The following CLCN1 variants were observed in gnomAD, a reference collection of about 807,000 sequenced individuals.
The protein encoded by CLCN1 is chloride voltage-gated channel 1.
CLCN1 carries 100 observed loss-of-function variants against 114.5 expected under a neutral mutation model. The ratio of observed to expected loss-of-function variants is 0.87; its 90% confidence interval spans 0.74 to 1.03. The LOEUF (loss-of-function observed/expected upper bound fraction) is 1.03, where lower values mean the gene tolerates loss of function less well. Ranked by LOEUF, CLCN1 falls within the 50% of genes least tolerant of loss-of-function variation. CLCN1 has a pLI of 0.00. For missense variants in CLCN1, 1,188 were observed against 1,250.0 expected, an observed-to-expected ratio of 0.95 and a Z score of 0.75; for synonymous variants, 485 against 487.1, an observed-to-expected ratio of 1.00 and a Z score of 0.06.
intron 10 of CLCN1, among the ~76,000 whole-genome samples, chr7:143,331,892 G>T (rs1395104439): frequency 2.0e-5 from 3 of 152,138 alleles, no homozygotes; most frequent in Non-Finnish European, 2.9e-5. Flanking sequence ...GCAGTGGTGC[G>T]ATCTCAGCTC....
intron 5 of CLCN1, among the ~76,000 whole-genome samples, 173 bp from the exon 6 acceptor site, chr7:143,323,136 T>C (rs568878212): frequency 6.6e-6 from 1 of 152,178 alleles, no homozygotes; most frequent in South Asian, 2.1e-4. Flanking sequence ...CACACTGGTT[T>C]CTCCTCTTCT....
intron 1 of CLCN1, among the ~76,000 whole-genome samples, chr7:143,318,933 C>T (rs1586482091): frequency 6.6e-6 from 1 of 152,306 alleles, no homozygotes; most frequent in East Asian, 1.9e-4. Flanking sequence ...TCTACTCAGG[C>T]TCTCCCAGAA....
Position 143,339,031 on chromosome 7 carries a change from AG to A in CLCN1, c.1402-221del, listed in dbSNP as rs755919221. Among the ~76,000 whole-genome samples, 83 of 152,312 alleles carry A rather than the reference AG, an allele frequency of 5.4e-4. 1 individual carries two copies. The East Asian group carries it at 0.011, about 20-fold the overall frequency. On this transcript the variant is annotated intron_variant, in intron 12 of 22. Transcript: ENST00000343257. This position sits in a 1 kb window ranked among gnomAD's most constrained non-coding sequence, Gnocchi z 4.1. ...ACTCAAAGTAGAAGGGATTTGGTCT[AG>A]CCATCTAGAGGAACCTTCTGATAGT...
intron 10 of CLCN1, among the ~76,000 whole-genome samples, chr7:143,331,865 A>G (rs1250196547): frequency 1.3e-5 from 2 of 152,100 alleles, no homozygotes; most frequent in African/African-American, 2.4e-5. Context: ...GTCTCACTCC[A>G]TCACCCAGGC....
At chr7:143,323,678 C>T (rs757703101) in intron 6 of CLCN1, 229 of 588,628 alleles carry the variant, frequency 3.9e-4, no homozygotes, top group South Asian at 7.6e-4. Context: ...CATACCACCC[C>T]CTCTGTGTTA....
At chr7:143,335,384 G>A (rs1010758778) in intron 12 of CLCN1, among the ~76,000 whole-genome samples, 2 of 152,294 alleles carry the variant, frequency 1.3e-5, no homozygotes, top group African/African-American at 2.4e-5. Flanking sequence ...ACAGTTTGCA[G>A]CAGGCCTATA....
chr7:143,349,375 T>A (rs1210199597), intron 20 of CLCN1, among the ~76,000 whole-genome samples: 1 of 152,248 alleles, frequency 6.6e-6, no homozygotes, highest in African/African-American at 2.4e-5. Flanking sequence ...CACCAGATCC[T>A]AAACCTATAT....
intron 12 of CLCN1, among the ~76,000 whole-genome samples, chr7:143,336,604 C>CAAAAA (rs573516521): frequency 2.5e-5 from 2 of 80,400 alleles, no homozygotes; most frequent in African/African-American, 9.3e-5. Flanking sequence ...AAGACTCTGT[C>CAAAAA]AAAAAAAAAA....
At position 143,351,817 on chromosome 7, in the gene CLCN1, T is replaced by A; in HGVS notation, c.2819T>A (p.Leu940His). The A allele has an allele frequency of 6.2e-7, 1 of 1,613,946 alleles. No individual in the cohort carries two copies. The change falls in exon 23 of 23, where the codon CTC becomes CAC. Residue 940 changes from leucine (L) to histidine (H), a missense_variant. Leu to His is a moderately conservative substitution (Grantham distance 99, BLOSUM62 -3). Transcript: ENST00000343257. ...CCATCTCCTTCCCCAGAGCCCCCTC[T>A]CTCCCTGGCCCCAGGCAAGGTAGAG... is the stretch of plus-strand genomic sequence containing the variant. ...PVPSPSPEPP[L>H]SLAPGKVEGE...
chr7:143,342,336 G>A (rs111762677), intron 15 of CLCN1, 36 bp from the exon 16 acceptor site: 67 of 1,613,252 alleles, frequency 4.2e-5, no homozygotes, highest in African/African-American at 3.6e-4. Flanking sequence ...ATAGGTATAC[G>A]GTGGGGCTAA....
Position 143,331,558 on chromosome 7 carries a change from T to C in CLCN1, c.1072T>C (p.Cys358Arg), listed in dbSNP as rs755360930. Residue 358 changes from cysteine (C) to arginine (R), a missense_variant, in exon 10 of 23, where the codon TGT (cysteine) becomes CGT (arginine). Physicochemically the swap from Cys to Arg is radical, Grantham distance 180 (BLOSUM62 -3). Coordinates refer to ENST00000343257, the MANE Select transcript of CLCN1 (RefSeq NM_000083.3). Reference protein sequence around the residue: ...LPAFAAIGICCGLLGAVFVYL... With the variant: ...LPAFAAIGICRGLLGAVFVYL... ...TATAAATTACACCCTCAGGATTTGC[T>C]GTGGGCTCCTGGGAGCTGTATTTGT... 6.2e-7 allele frequency: 1 copy of C among 1,612,630 alleles called. No individual in the cohort carries two copies. Among genetic ancestry groups the C allele is most frequent in the Admixed American group, 1.7e-5 (1 of 60,034 alleles).
chr7:143,346,822 C>G (rs1803262310), intron 19 of CLCN1, 89 bp from the exon 20 acceptor site: 2 of 1,351,644 alleles, frequency 1.5e-6, no homozygotes, highest in East Asian at 4.6e-5. Flanking sequence ...TGGTCCTGGC[C>G]AGGGAGGGAT....
At chr7:143,320,603 A>G in intron 2 of CLCN1, 61 bp from the exon 3 acceptor site, 2 of 1,368,480 alleles carry the variant, frequency 1.5e-6, no homozygotes, top group Non-Finnish European at 2.1e-6. Context: ...ACATATATAT[A>G]TTTTTGTTTG....
In CLCN1 at chr7:143,318,318, G is replaced by A. The variant is rs913381202; in HGVS notation, c.181-1437G>A. ...GCTCACCGCAATCTCCGCCTCCCTG[G>A]TTCAAGCAATTCTCCTGCCTCCGCC... On this transcript the variant is annotated intron_variant, in intron 1 of 22. Coordinates refer to ENST00000343257, the MANE Select transcript of CLCN1 (RefSeq NM_000083.3). Among the ~76,000 whole-genome samples the A allele has an allele frequency of 1.3e-4, 20 of 152,238 alleles. No homozygotes were observed. In the East Asian group the frequency reaches 3.9e-3, roughly 29 times the overall value.
chr7:143,336,510 T>A (rs929661629), intron 12 of CLCN1, among the ~76,000 whole-genome samples: 1 of 148,868 alleles, frequency 6.7e-6, no homozygotes, highest in Non-Finnish European at 1.5e-5. Context: ...CTCGGGAGGC[T>A]GAGGCAGGAG....
chr7:143,323,475 C>A, intron 6 of CLCN1, 89 bp downstream of exon 6: 1 of 907,564 alleles, frequency 1.1e-6, no homozygotes, highest in Non-Finnish European at 1.9e-6. Flanking sequence ...TGCCTCTGCT[C>A]TGGGCTGGCT....
chr7:143,320,970 C>T (rs576201372), intron 3 of CLCN1, among the ~76,000 whole-genome samples, 175 bp downstream of exon 3: 2 of 152,264 alleles, frequency 1.3e-5, no homozygotes, highest in East Asian at 1.9e-4. Context: ...AGGCCTGCTC[C>T]ACTTCTCACG....
chr7:143,343,640 A>G (rs2116377869), intron 16 of CLCN1, among the ~76,000 whole-genome samples: 1 of 152,348 alleles, frequency 6.6e-6, no homozygotes, highest in South Asian at 2.1e-4. Flanking sequence ...TGATGCTTAC[A>G]TAAGTCATGC....
chr7:143,342,772 C>A (rs548115920), intron 16 of CLCN1, among the ~76,000 whole-genome samples: 1 of 152,152 alleles, frequency 6.6e-6, no homozygotes, highest in African/African-American at 2.4e-5. Flanking sequence ...AGTTCGAGAC[C>A]AGCCTGACCA....
Sources: gnomAD v4.1 joint callset for allele counts (sites outside exome capture counted in the v4.1 genomes callset) on GRCh38, gnomAD v4.1.1 for gene constraint, Gnocchi (gnomAD v3.1) non-coding constraint, MANE v1.5 for transcripts, NCBI Gene and HGNC (gene_info 2026-07-23, HGNC 2026-07-21) for gene names.